SLC24A2: variants seen among roughly 807,000 people sequenced by gnomAD.
SLC24A2 encodes the protein solute carrier family 24 member 2, also known as sodium/potassium/calcium exchanger 2.
Under a neutral mutation model 62.0 loss-of-function variants are expected in SLC24A2, and 36 were observed. The observed-to-expected ratio is 0.58, with a 90% confidence interval of 0.44 to 0.77. The LOEUF is 0.77. Ranked by LOEUF, SLC24A2 falls within the 30% of genes least tolerant of loss-of-function variation. The pLI is 0.00. For missense variants in SLC24A2, 846 were observed against 817.9 expected, an observed-to-expected ratio of 1.03 and a Z score of -0.42; for synonymous variants, 358 against 294.0, an observed-to-expected ratio of 1.22 and a Z score of -2.23.
chr9:20,048,686 T>A, the SLC24A2 span, among the ~76,000 whole-genome samples: 1 of 152,070 alleles, frequency 6.6e-6, no homozygotes, highest in African/African-American at 2.4e-5. Flanking sequence ...AAATACCGAT[T>A]CATTCAGCAG....
chr9:19,749,690 G>T (rs1821928449), intron 2 of SLC24A2, among the ~76,000 whole-genome samples: 3 of 152,096 alleles, frequency 2.0e-5, no homozygotes, highest in African/African-American at 7.2e-5. Flanking sequence ...CCCAAATATT[G>T]CATGGGATAA....
chr9:19,733,616 C>T (rs1821405256), intron 2 of SLC24A2, among the ~76,000 whole-genome samples: 1 of 152,098 alleles, frequency 6.6e-6, no homozygotes, highest in African/African-American at 2.4e-5. Context: ...GGAAATCTGC[C>T]CACTTAGTTA....
the SLC24A2 span, among the ~76,000 whole-genome samples, chr9:19,977,265 T>G: frequency 6.6e-6 from 1 of 152,120 alleles, no homozygotes; most frequent in Admixed American, 6.6e-5. Context: ...TGTTGTATGT[T>G]TGAAATTACA....
In SLC24A2 at chr9:19,762,344, T is replaced by C. The variant is rs867707340; in HGVS notation, c.930+23593A>G. Reference sequence around the variant, plus strand: ...CCCATTTGTCTATTTTAGCTTTTGTTGCCATTACTTTTGGTGTTTTAGTCA... The same window carrying C: ...CCCATTTGTCTATTTTAGCTTTTGTCGCCATTACTTTTGGTGTTTTAGTCA... On this transcript the variant is annotated intron_variant, in intron 2 of 10. Transcript: ENST00000341998. Among the ~76,000 whole-genome samples the C allele has an allele frequency of 3.9e-5, 6 of 152,344 alleles. No individual in the cohort carries two copies. The South Asian group carries it at 6.2e-4, about 16-fold the overall frequency.
At chr9:19,968,224 C>T in the SLC24A2 span, among the ~76,000 whole-genome samples, 2 of 152,182 alleles carry the variant, frequency 1.3e-5, no homozygotes, top group Non-Finnish European at 2.9e-5. Context: ...TTCCATTGTT[C>T]ATCTGAGCAC....
chr9:19,648,759 G>A (rs1055837135), intron 2 of SLC24A2, among the ~76,000 whole-genome samples: 2 of 152,060 alleles, frequency 1.3e-5, no homozygotes, highest in Non-Finnish European at 2.9e-5. Flanking sequence ...GTTGGTTATT[G>A]GGTTTTATGT....
At chr9:20,029,334 T>C in the SLC24A2 span, among the ~76,000 whole-genome samples, 2 of 152,234 alleles carry the variant, frequency 1.3e-5, no homozygotes, top group Non-Finnish European at 2.9e-5. Flanking sequence ...CAACTTTCAG[T>C]AGGTGCTCTC....
the SLC24A2 span, among the ~76,000 whole-genome samples, chr9:20,267,273 C>T: frequency 6.6e-6 from 1 of 152,088 alleles, no homozygotes; most frequent in African/African-American, 2.4e-5. Flanking sequence ...TTCACAATAA[C>T]CATCACCATC....
At chr9:19,917,720 T>A in the SLC24A2 span, among the ~76,000 whole-genome samples, 3 of 152,152 alleles carry the variant, frequency 2.0e-5, no homozygotes, top group Non-Finnish European at 4.4e-5. Context: ...TATTTTTGTC[T>A]CATATCTATA....
the SLC24A2 span, among the ~76,000 whole-genome samples, chr9:19,907,426 A>G: frequency 6.6e-6 from 1 of 152,224 alleles, no homozygotes; most frequent in African/African-American, 2.4e-5. Flanking sequence ...CAAGACAGGG[A>G]TGCCCTCTCT....
At chr9:19,532,567 G>A (rs1371943494) in intron 8 of SLC24A2, among the ~76,000 whole-genome samples, 5 of 152,306 alleles carry the variant, frequency 3.3e-5, no homozygotes, top group African/African-American at 1.2e-4. Context: ...CTGCAGATAT[G>A]AAGAGCCAAC....
chr9:20,037,048 A>G, the SLC24A2 span, among the ~76,000 whole-genome samples: 1 of 151,960 alleles, frequency 6.6e-6, no homozygotes, highest in African/African-American at 2.4e-5. Flanking sequence ...GGTGACCATC[A>G]CCACATCCAG....
chr9:19,727,337 G>A (rs1236562658), intron 2 of SLC24A2, among the ~76,000 whole-genome samples: 1 of 152,062 alleles, frequency 6.6e-6, no homozygotes, highest in Non-Finnish European at 1.5e-5. Flanking sequence ...TTGAAAAGTG[G>A]CCTTAAATAA....
chr9:19,736,672 T>C (rs183975158), intron 2 of SLC24A2, among the ~76,000 whole-genome samples: 1 of 152,148 alleles, frequency 6.6e-6, no homozygotes, highest in East Asian at 1.9e-4. Context: ...GACCCTCGTC[T>C]CTAAAAATAA....
At chr9:20,008,035 A>G in the SLC24A2 span, among the ~76,000 whole-genome samples, 2 of 151,636 alleles carry the variant, frequency 1.3e-5, no homozygotes, top group Non-Finnish European at 2.9e-5. Context: ...AGCTGAGACT[A>G]CAGGTGCGCA....
At chr9:19,950,571 C>G in the SLC24A2 span, among the ~76,000 whole-genome samples, 2 of 152,292 alleles carry the variant, frequency 1.3e-5, no homozygotes, top group South Asian at 2.1e-4. Context: ...TCAGGATAAC[C>G]TTTGCAGTAA....
At chr9:20,249,704 C>CA in the SLC24A2 span, among the ~76,000 whole-genome samples, 10,300 of 76,186 alleles carry the variant, frequency 0.14, 1,012 homozygotes, top group African/African-American at 0.23. Flanking sequence ...AACTCTGTCT[C>CA]AAAAAAAAAA....
At chr9:19,713,620 C>G (rs1442480380) in intron 2 of SLC24A2, among the ~76,000 whole-genome samples, 1 of 151,398 alleles carries the variant, frequency 6.6e-6, no homozygotes, top group Non-Finnish European at 1.5e-5. Flanking sequence ...AGAAGAAGTC[C>G]TGATGAAAGG....
intron 2 of SLC24A2, among the ~76,000 whole-genome samples, chr9:19,671,298 T>C (rs1202171218): frequency 1.3e-5 from 2 of 151,998 alleles, no homozygotes; most frequent in Non-Finnish European, 2.9e-5. Context: ...TATTTTATTA[T>C]TATTATTTTT....
Sources: allele counts gnomAD v4.1 joint callset (sites outside exome capture counted in the v4.1 genomes callset), GRCh38; gene constraint gnomAD v4.1.1; transcripts MANE v1.5; gene names NCBI Gene and HGNC (gene_info 2026-07-23, HGNC 2026-07-21).